The following ANKRD31 variants were observed in gnomAD, a reference collection of about 807,000 sequenced individuals.
The protein encoded by ANKRD31 is ankyrin repeat domain-containing protein 31.
In ANKRD31, 147 loss-of-function variants were observed where a neutral mutation model predicts 186.0. That is an observed-to-expected ratio of 0.79 (90% CI 0.69 to 0.91). The LOEUF (loss-of-function observed/expected upper bound fraction) is 0.91. Ranked by LOEUF, ANKRD31 falls within the 40% of genes least tolerant of loss-of-function variation. ANKRD31 has a pLI of 0.00. For missense variants in ANKRD31, 1,986 were observed against 2,148.8 expected (o/e 0.92, Z 1.50); for synonymous variants, 673 against 736.4 (o/e 0.91, Z 1.39).
At chr5:75,203,674 AAAAGAAAAG>A (rs1378034856) in intron 5 of ANKRD31, among the ~76,000 whole-genome samples, 13,512 of 136,960 alleles carry the variant, frequency 0.099, 618 homozygotes, top group East Asian at 0.14. Context: ...AAAAAAAAAA[AAAAGAAAAG>A]AAAAGAAAAG....
At position 75,090,466 on chromosome 5, in the gene ANKRD31, G is replaced by C. The variant is rs536876756; in HGVS notation, c.5472+795C>G. Reference sequence around the variant, plus strand: ...CTGGGAGGGAGAGTGGGCAGACCTGGGTTAAACAAAAAAGAGGAGAGAAAG... The same window carrying C: ...CTGGGAGGGAGAGTGGGCAGACCTGCGTTAAACAAAAAAGAGGAGAGAAAG... On this transcript the variant is annotated intron_variant, in intron 23 of 25. Coordinates refer to ENST00000506364, the MANE Select transcript of ANKRD31 (RefSeq NM_001372053.1). Among the ~76,000 whole-genome samples, 3 of 152,070 alleles carry C rather than the reference G, an allele frequency of 2.0e-5. No homozygotes were observed. In the South Asian group the frequency reaches 6.2e-4, roughly 32 times the overall value.
rs187976637 is a variant in ANKRD31, at chr5:75,175,721, T to A, written c.1565-6600A>T. On this transcript the variant is annotated intron_variant, in intron 10 of 25. Coordinates refer to ENST00000506364, the MANE Select transcript of ANKRD31 (RefSeq NM_001372053.1). ...AACTCTAATAATATTCATGCTGGGG[T>A]GTTTAGTGATAAAACACACTGTTGG... Among the ~76,000 whole-genome samples the A allele has an allele frequency of 4.0e-5, 6 of 151,606 alleles. No individual in the cohort carries two copies. In the East Asian group the frequency reaches 1.2e-3, roughly 29 times the overall value.
At chr5:75,139,090 A>G (rs1750821043) in intron 15 of ANKRD31, 107 bp from the exon 16 acceptor site, 2 of 1,195,462 alleles carry the variant, frequency 1.7e-6, no homozygotes, top group Non-Finnish European at 2.3e-6. Flanking sequence ...CTACACAGAA[A>G]CATATATCAA....
intron 10 of ANKRD31, among the ~76,000 whole-genome samples, chr5:75,170,097 C>T (rs1161110888): frequency 6.6e-6 from 1 of 152,018 alleles, no homozygotes; most frequent in African/African-American, 2.4e-5. Flanking sequence ...TATAAATTTC[C>T]TTAAAATGAA....
chr5:75,114,037 A>T (rs1016913893), intron 19 of ANKRD31, among the ~76,000 whole-genome samples: 1 of 152,190 alleles, frequency 6.6e-6, no homozygotes, highest in Non-Finnish European at 1.5e-5. Flanking sequence ...TGAGGATGCT[A>T]CCTTGGTTAA....
chr5:75,095,322 A>C (rs1205459609), intron 22 of ANKRD31, among the ~76,000 whole-genome samples: 2 of 152,050 alleles, frequency 1.3e-5, no homozygotes, highest in East Asian at 1.9e-4. Flanking sequence ...ACAAAAAAAA[A>C]AATTATCCAG....
intron 22 of ANKRD31, among the ~76,000 whole-genome samples, chr5:75,098,219 T>C (rs1450282103): frequency 6.6e-6 from 1 of 152,136 alleles, no homozygotes; most frequent in East Asian, 1.9e-4. Context: ...GGTCTCGATC[T>C]CTTGACCTCC....
intron 22 of ANKRD31, among the ~76,000 whole-genome samples, chr5:75,101,686 A>G (rs1389437515): frequency 6.6e-6 from 1 of 152,024 alleles, no homozygotes; most frequent in African/African-American, 2.4e-5. Flanking sequence ...TTGATCTTCA[A>G]TCACTGATAT....
intron 15 of ANKRD31, among the ~76,000 whole-genome samples, chr5:75,140,178 T>G (rs1348142982): frequency 2.0e-5 from 3 of 147,396 alleles, no homozygotes. Context: ...CACTCCAGCC[T>G]GGGCAACAGA....
chr5:75,101,287 G>C (rs4320242), intron 22 of ANKRD31, among the ~76,000 whole-genome samples: 1 of 151,954 alleles, frequency 6.6e-6, no homozygotes, highest in African/African-American at 2.4e-5. Context: ...TTTCTGCCAA[G>C]AGATCTGCTG....
chr5:75,097,750 G>T (rs1484279171), intron 22 of ANKRD31, among the ~76,000 whole-genome samples: 3 of 152,098 alleles, frequency 2.0e-5, no homozygotes, highest in Admixed American at 1.3e-4. Context: ...TGTCCTGAAT[G>T]GTATTGCCTA....
chr5:75,072,997 A>G (rs1435362175), intron 25 of ANKRD31, among the ~76,000 whole-genome samples: 1 of 152,216 alleles, frequency 6.6e-6, no homozygotes, highest in Non-Finnish European at 1.5e-5. Context: ...TGATTGTTTT[A>G]GGAACTTTTC....
At position 75,156,869 on chromosome 5, in the gene ANKRD31, A is replaced by T. The variant is rs562867532; in HGVS notation, c.1708-2524T>A. On this transcript the variant is annotated intron_variant, in intron 11 of 25. Coordinates refer to ENST00000506364, the MANE Select transcript of ANKRD31 (RefSeq NM_001372053.1). ...TTTAGCCCAGTGATTCTGATTTTGG[A>T]CTTCTAGTCTGTAGAGCTGTGAGAG... 1.3e-4 allele frequency among the ~76,000 whole-genome samples: 20 copies of T among 152,312 alleles called. No individual in the cohort carries two copies. In the East Asian group the frequency reaches 3.9e-3, roughly 29 times the overall value.
chr5:75,097,418 G>T (rs1326775308), intron 22 of ANKRD31, among the ~76,000 whole-genome samples: 1 of 152,184 alleles, frequency 6.6e-6, no homozygotes, highest in African/African-American at 2.4e-5. Context: ...CAGTGATGAT[G>T]AGCATTTTTT....
chr5:75,213,757 T>C (rs1756794420), intron 3 of ANKRD31, among the ~76,000 whole-genome samples: 1 of 152,210 alleles, frequency 6.6e-6, no homozygotes, highest in South Asian at 2.1e-4. Flanking sequence ...ATTGTGTTAA[T>C]TTAGAGGATC....
intron 22 of ANKRD31, among the ~76,000 whole-genome samples, chr5:75,101,869 G>A (rs868834522): frequency 2.0e-5 from 3 of 152,168 alleles, no homozygotes; most frequent in Non-Finnish European, 4.4e-5. Context: ...CGATGGGTTC[G>A]AACATCCTCC....
At chr5:75,154,672 G>T (rs922997513) in intron 11 of ANKRD31, among the ~76,000 whole-genome samples, 1 of 152,072 alleles carries the variant, frequency 6.6e-6, no homozygotes, top group African/African-American at 2.4e-5. Context: ...AAGGCAGGAG[G>T]CAAGAAAGGC....
In ANKRD31 at chr5:75,222,921, T is replaced by C. The variant is rs1757393000; in HGVS notation, c.179-563A>G. Among the ~76,000 whole-genome samples, 3 of 152,262 alleles carry C rather than the reference T, an allele frequency of 2.0e-5. No individual in the cohort carries two copies. In the South Asian group the frequency reaches 6.2e-4, roughly 32 times the overall value. On this transcript the variant is annotated intron_variant, in intron 2 of 25. Transcript: ENST00000506364. The stretch of plus-strand genomic sequence containing the variant: ...GTAAACATACATGTGCATGTGTCTT[T>C]ATAGTACAATGACTTATAATCCTTT...
intron 22 of ANKRD31, among the ~76,000 whole-genome samples, chr5:75,101,801 A>G (rs1469081844): frequency 6.6e-6 from 1 of 151,972 alleles, no homozygotes; most frequent in African/African-American, 2.4e-5. Context: ...TCTTCTCCAC[A>G]CTGTTTATTC....
Sources: gnomAD v4.1 joint callset for allele counts (sites outside exome capture counted in the v4.1 genomes callset) on GRCh38, gnomAD v4.1.1 for gene constraint, MANE v1.5 for transcripts, NCBI Gene and HGNC (gene_info 2026-07-23, HGNC 2026-07-21) for gene names.